The following ERBB4 variants were observed in gnomAD, a reference collection of about 807,000 sequenced individuals.
The protein encoded by ERBB4 is receptor tyrosine-protein kinase erbB-4.
ERBB4 carries 42 observed loss-of-function variants against 158.0 expected under a neutral mutation model. The ratio of observed to expected loss-of-function variants is 0.27; its 90% CI spans 0.21 to 0.34. The LOEUF is 0.34. Ranked by LOEUF, ERBB4 falls within the 10% of genes least tolerant of loss-of-function variation. ERBB4 has a pLI of 1.00. For synonymous variants in ERBB4, 583 were observed against 558.7 expected (o/e 1.04, Z -0.61); for missense variants, 1,333 against 1,624.1 (o/e 0.82, Z 3.08).
At chr2:212,051,934 A>C (rs1207480570) in intron 2 of ERBB4, among the ~76,000 whole-genome samples, 1 of 152,166 alleles carries the variant, frequency 6.6e-6, no homozygotes, top group Non-Finnish European at 1.5e-5. Context: ...CTTAACACTT[A>C]TATAATTTGT....
At chr2:211,612,650 G>A (rs1422444918) in intron 19 of ERBB4, among the ~76,000 whole-genome samples, 1 of 151,878 alleles carries the variant, frequency 6.6e-6, no homozygotes, top group African/African-American at 2.4e-5. Flanking sequence ...GAAATCAGGA[G>A]CTCTGTAAGC....
intron 25 of ERBB4, among the ~76,000 whole-genome samples, chr2:211,410,709 G>T (rs2063239134): frequency 6.6e-6 from 1 of 152,058 alleles, no homozygotes; most frequent in Non-Finnish European, 1.5e-5. Context: ...AAGAAATTGA[G>T]AAAATAGTTC....
chr2:212,247,317 A>G (rs555418531), intron 1 of ERBB4, among the ~76,000 whole-genome samples: 1 of 152,274 alleles, frequency 6.6e-6, no homozygotes, highest in South Asian at 2.1e-4. Context: ...TTATGCCCTC[A>G]TCTATTACCT....
intron 1 of ERBB4, among the ~76,000 whole-genome samples, chr2:212,493,077 T>C: frequency 6.6e-6 from 1 of 151,480 alleles, no homozygotes; most frequent in East Asian, 1.9e-4. Flanking sequence ...GATTATTTGG[T>C]TCACATTTCT....
intron 2 of ERBB4, among the ~76,000 whole-genome samples, chr2:211,973,544 C>T (rs150257346): frequency 0.023 from 3,476 of 152,174 alleles, 55 homozygotes; most frequent in Middle Eastern, 0.072. Flanking sequence ...CATCTCATAC[C>T]AGTCATAATG....
chr2:212,070,675 T>C (rs2078087376), intron 2 of ERBB4, among the ~76,000 whole-genome samples: 1 of 151,996 alleles, frequency 6.6e-6, no homozygotes, highest in Non-Finnish European at 1.5e-5. Context: ...TCTTACACCA[T>C]ACACAGAAAA....
intron 1 of ERBB4, among the ~76,000 whole-genome samples, chr2:212,157,057 G>A (rs2081056237): frequency 6.6e-6 from 1 of 152,022 alleles, no homozygotes; most frequent in Admixed American, 6.6e-5. Context: ...GCAAAAACAT[G>A]TCTATGGAAT....
intron 3 of ERBB4, among the ~76,000 whole-genome samples, chr2:211,944,755 A>C (rs917293277): frequency 4.6e-5 from 7 of 152,106 alleles, no homozygotes; most frequent in African/African-American, 1.7e-4. Context: ...GATACTTAAC[A>C]CACAAGTTGC....
intron 2 of ERBB4, among the ~76,000 whole-genome samples, chr2:212,008,250 C>T (rs1046262131): frequency 1.3e-5 from 2 of 152,010 alleles, no homozygotes; most frequent in South Asian, 2.1e-4. Context: ...TGATACATCT[C>T]GAGTTTAAGA....
At chr2:212,083,567 T>C (rs2078509104) in intron 2 of ERBB4, among the ~76,000 whole-genome samples, 2 of 151,762 alleles carry the variant, frequency 1.3e-5, no homozygotes, top group Non-Finnish European at 1.5e-5. Flanking sequence ...AAAATAAGAC[T>C]ACACGAGAGA....
intron 3 of ERBB4, among the ~76,000 whole-genome samples, chr2:211,944,858 G>T (rs976856701): frequency 1.3e-5 from 2 of 152,044 alleles, no homozygotes; most frequent in East Asian, 3.9e-4. Context: ...TCATGGTGAT[G>T]GTCCATTAAG....
chr2:212,206,586 G>GTTTTTTT (rs1393759656), intron 1 of ERBB4, among the ~76,000 whole-genome samples: 2 of 66,766 alleles, frequency 3.0e-5, no homozygotes, highest in African/African-American at 4.9e-5. Flanking sequence ...CGTCTGTTCT[G>GTTTTTTT]TTCTTTTTTT....
intron 2 of ERBB4, among the ~76,000 whole-genome samples, chr2:212,057,181 G>T (rs1245144352): frequency 1.3e-5 from 2 of 152,204 alleles, no homozygotes; most frequent in Non-Finnish European, 2.9e-5. Flanking sequence ...AAGAGACAAA[G>T]AAGAGCATTA....
intron 14 of ERBB4, among the ~76,000 whole-genome samples, chr2:211,671,053 A>T (rs1196735093): frequency 6.6e-6 from 1 of 152,144 alleles, no homozygotes; most frequent in Non-Finnish European, 1.5e-5. Context: ...ATTTAAGCAG[A>T]TTAGTTTTTT....
chr2:212,162,906 C>T (rs2081243621), intron 1 of ERBB4, among the ~76,000 whole-genome samples: 1 of 151,884 alleles, frequency 6.6e-6, no homozygotes, highest in South Asian at 2.1e-4. Context: ...ATAGTAACAG[C>T]AAAGCAGCTC....
At chr2:212,166,576 GA>G (rs35242218) in intron 1 of ERBB4, among the ~76,000 whole-genome samples, 4,218 of 144,132 alleles carry the variant, frequency 0.029, 85 homozygotes, top group African/African-American at 0.063. Context: ...CACAGAATTA[GA>G]AAAAAAAAAA....
intron 2 of ERBB4, among the ~76,000 whole-genome samples, chr2:212,078,661 T>G (rs2078342930): frequency 6.6e-6 from 1 of 151,926 alleles, no homozygotes; most frequent in Non-Finnish European, 1.5e-5. Context: ...AATCAAAATT[T>G]GGAATGTAAA....
intron 5 of ERBB4, among the ~76,000 whole-genome samples, chr2:211,729,837 C>A (rs916836686): frequency 2.0e-5 from 3 of 151,658 alleles, no homozygotes; most frequent in Non-Finnish European, 3.0e-5. Flanking sequence ...ATTTAGTTTC[C>A]TTTCTAAATT....
rs553886044 is a variant in ERBB4 at position 212,146,015 on chromosome 2, G to A, written c.83-21112C>T. ...ATAGTCTACTTATGCTTCCTGGTGT[G>A]TCTCCACTAAAGAGCCTGGTTACTC... On this transcript the variant is annotated intron_variant, in intron 1 of 27. Transcript: ENST00000342788. Among the ~76,000 whole-genome samples the A allele has an allele frequency of 1.3e-3, 205 of 152,152 alleles. 2 individuals carry two copies. The highest frequency in any genetic ancestry group is 3.4e-3 in the Middle Eastern group (1 of 294).
Sources: allele counts gnomAD v4.1 joint callset (sites outside exome capture counted in the v4.1 genomes callset), GRCh38; gene constraint gnomAD v4.1.1; transcripts MANE v1.5; gene names NCBI Gene and HGNC (gene_info 2026-07-23, HGNC 2026-07-21).